Variants in SPIDR observed in about 807,000 individuals in gnomAD.
The protein encoded by SPIDR is DNA repair-scaffolding protein.
A neutral mutation model predicts 104.6 loss-of-function variants in SPIDR; 93 were observed. That is an observed-to-expected ratio of 0.89 (90% CI 0.75 to 1.06). SPIDR has a LOEUF of 1.06. Ranked by LOEUF, SPIDR falls within the 50% of genes least tolerant of loss-of-function variation. The probability of loss-of-function intolerance (pLI) is 0.00; values close to 1 mark genes in which losing one functional copy is unlikely to be tolerated. For missense variants in SPIDR, 1,154 were observed against 1,111.2 expected, an observed-to-expected ratio of 1.04 and a Z score of -0.55; for synonymous variants, 431 against 416.9, an observed-to-expected ratio of 1.03 and a Z score of -0.41.
intron 8 of SPIDR, among the ~76,000 whole-genome samples, chr8:47,565,636 A>G (rs1276585720): frequency 6.6e-6 from 1 of 151,770 alleles, no homozygotes; most frequent in East Asian, 1.9e-4. Context: ...TATAGTCTTT[A>G]CTCATTTGTA....
chr8:47,583,705 C>A (rs2059979068), intron 8 of SPIDR, among the ~76,000 whole-genome samples: 1 of 152,202 alleles, frequency 6.6e-6, no homozygotes, highest in Non-Finnish European at 1.5e-5. Context: ...TGAATTTTTT[C>A]TGCAGAAACT....
chr8:47,267,721 G>A (rs1191560612), intron 1 of SPIDR, among the ~76,000 whole-genome samples: 4 of 152,164 alleles, frequency 2.6e-5, no homozygotes, highest in South Asian at 2.1e-4. Flanking sequence ...GTGGAATCAC[G>A]AGTTCTTTAA....
At chr8:47,488,299 C>T (rs1168777687) in intron 8 of SPIDR, among the ~76,000 whole-genome samples, 21 of 152,048 alleles carry the variant, frequency 1.4e-4, no homozygotes, top group Admixed American at 1.4e-3. Context: ...AAGACTAAAC[C>T]AGGAAGAAGT....
At chr8:47,270,122 G>A (rs2034988708) in intron 1 of SPIDR, among the ~76,000 whole-genome samples, 1 of 152,158 alleles carries the variant, frequency 6.6e-6, no homozygotes, top group Non-Finnish European at 1.5e-5. Context: ...TCGTTGTTAT[G>A]TTTTGGTTTT....
intron 10 of SPIDR, among the ~76,000 whole-genome samples, chr8:47,652,463 G>A (rs902325315): frequency 1.2e-4 from 19 of 152,166 alleles, no homozygotes; most frequent in Non-Finnish European, 2.4e-4. Flanking sequence ...CAAGGTGGGC[G>A]GGCTGGAAAC....
chr8:47,551,166 G>A (rs1306374318), intron 8 of SPIDR, among the ~76,000 whole-genome samples: 2 of 152,272 alleles, frequency 1.3e-5, no homozygotes, highest in African/African-American at 2.4e-5. Flanking sequence ...GCTGGATTTG[G>A]TTTGCCAGTA....
At chr8:47,321,665 G>T (rs782456559) in intron 5 of SPIDR, among the ~76,000 whole-genome samples, 1 of 152,128 alleles carries the variant, frequency 6.6e-6, no homozygotes, top group South Asian at 2.1e-4. Context: ...GAACAAAGCT[G>T]GAGGCATCGT....
intron 8 of SPIDR, among the ~76,000 whole-genome samples, chr8:47,461,310 A>G (rs960264664): frequency 1.3e-5 from 2 of 152,178 alleles, no homozygotes; most frequent in Non-Finnish European, 2.9e-5. Context: ...ATTTAACAGA[A>G]TCCCAAACTT....
chr8:47,534,033 T>G (rs1379418813), intron 8 of SPIDR, among the ~76,000 whole-genome samples: 1 of 152,198 alleles, frequency 6.6e-6, no homozygotes, highest in East Asian at 1.9e-4. Context: ...ATTTTTCCTG[T>G]GCTGTTCTAG....
At chr8:47,459,353 T>G (rs2073552235) in intron 8 of SPIDR, among the ~76,000 whole-genome samples, 1 of 152,156 alleles carries the variant, frequency 6.6e-6, no homozygotes, top group Non-Finnish European at 1.5e-5. Flanking sequence ...TAATTCTTCC[T>G]GATTTAAGCT....
intron 7 of SPIDR, among the ~76,000 whole-genome samples, chr8:47,439,211 C>T (rs1257344403): frequency 1.3e-5 from 2 of 152,116 alleles, no homozygotes; most frequent in African/African-American, 4.8e-5. Context: ...ATTTGAAACC[C>T]TCTGGGTTCC....
At chr8:47,302,607 G>A (rs993001757) in intron 5 of SPIDR, among the ~76,000 whole-genome samples, 1 of 152,102 alleles carries the variant, frequency 6.6e-6, no homozygotes, top group South Asian at 2.1e-4. Flanking sequence ...TGATGGTGAC[G>A]TACAGATGGG....
At chr8:47,710,696 G>A (rs1282878974) in intron 14 of SPIDR, among the ~76,000 whole-genome samples, 3 of 152,034 alleles carry the variant, frequency 2.0e-5, no homozygotes, top group African/African-American at 7.3e-5. Flanking sequence ...TTGAACTCCC[G>A]ACCTCAGGTT....
At chr8:47,272,980 C>G (rs1050746508) in intron 1 of SPIDR, among the ~76,000 whole-genome samples, 2 of 152,134 alleles carry the variant, frequency 1.3e-5, no homozygotes, top group East Asian at 3.8e-4. Context: ...AAAGGAAAAA[C>G]AAACTGTTTT....
chr8:47,518,153 T>A (rs2083440837), intron 8 of SPIDR, among the ~76,000 whole-genome samples: 1 of 152,358 alleles, frequency 6.6e-6, no homozygotes, highest in Non-Finnish European at 1.5e-5. Context: ...TTGGTGGCAA[T>A]TCATAGATAC....
intron 7 of SPIDR, among the ~76,000 whole-genome samples, chr8:47,418,439 A>G (rs564999651): frequency 6.6e-6 from 1 of 152,188 alleles, no homozygotes; most frequent in African/African-American, 2.4e-5. Context: ...TTGGTATATA[A>G]GAATGCTTGT....
At chr8:47,724,560 G>C (rs28481530) in intron 16 of SPIDR, among the ~76,000 whole-genome samples, 60 of 152,326 alleles carry the variant, frequency 3.9e-4, no homozygotes, top group Admixed American at 1.1e-3. Context: ...TGGCTCCAAG[G>C]GGACCCCTTC....
At chr8:47,424,537 C>T (rs782593289) in intron 7 of SPIDR, among the ~76,000 whole-genome samples, 2 of 152,046 alleles carry the variant, frequency 1.3e-5, no homozygotes, top group Non-Finnish European at 2.9e-5. Context: ...AGGCTGGTCT[C>T]GAACTCTTGG....
chr8:47,331,798 A>G (rs2048711596), intron 5 of SPIDR, among the ~76,000 whole-genome samples: 1 of 151,842 alleles, frequency 6.6e-6, no homozygotes, highest in Admixed American at 6.6e-5. Flanking sequence ...CCACTTTGTA[A>G]TAGCTCTTTT....
Sources: allele counts gnomAD v4.1 joint callset (sites outside exome capture counted in the v4.1 genomes callset), GRCh38; gene constraint gnomAD v4.1.1; transcripts MANE v1.5; gene names NCBI Gene and HGNC (gene_info 2026-07-23, HGNC 2026-07-21).